Variants in DNM2 observed in about 807,000 individuals in gnomAD.
DNM2 encodes the protein dynamin-2.
A neutral mutation model predicts 99.0 loss-of-function variants in DNM2; 15 were observed. The ratio of observed to expected loss-of-function variants is 0.15; its 90% CI spans 0.10 to 0.23. The LOEUF is 0.23. Ranked by LOEUF, DNM2 falls within the 10% of genes least tolerant of loss-of-function variation. The pLI, the probability that DNM2 is intolerant of heterozygous loss-of-function variation, is 1.00. For synonymous variants in DNM2, 525 were observed against 481.2 expected, an observed-to-expected ratio of 1.09 and a Z score of -1.19; for missense variants, 742 against 1,189.4, an observed-to-expected ratio of 0.62 and a Z score of 5.53.
intron 17 of DNM2, 29 bp downstream of exon 17, chr19:10,823,928 C>A (rs1341845398): frequency 6.2e-7 from 1 of 1,606,768 alleles, no homozygotes; most frequent in African/African-American, 1.3e-5. Context: ...CAGCCAGGCC[C>A]AGAGCCCCCA....
Position 10,775,062 on chromosome 19 carries a change from C to T in DNM2, c.386-641C>T, listed in dbSNP as rs1024238611. The stretch of plus-strand genomic sequence containing the variant: ...CTGGGATGACAGGCATGAGTCACCG[C>T]GCCTGGCCTCATCCATTTGTCTTTT... On this transcript the variant is annotated intron_variant, in intron 3 of 20. Transcript: ENST00000389253. This position sits in a 1 kb window ranked among gnomAD's most constrained non-coding sequence, Gnocchi z 4.3. Among the ~76,000 whole-genome samples the T allele has an allele frequency of 4.0e-5, 6 of 151,842 alleles. No individual in the cohort carries two copies. The highest frequency in any genetic ancestry group is 2.6e-4 in the Admixed American group (4 of 15,220).
At position 10,831,449 on chromosome 19, in the gene DNM2, C is replaced by A; in HGVS notation, c.*402C>A. The A allele has an allele frequency of 9.9e-7, 1 of 1,006,494 alleles. No homozygotes were observed. The highest frequency in any genetic ancestry group is 1.2e-6 in the Non-Finnish European group (1 of 843,876). 62.3% of individuals were successfully genotyped at this position (1,006,494 alleles called of 1,614,324 possible). A position where few individuals can be genotyped will look rare whatever the true frequency, so the allele number is the denominator to read the frequency against. On this transcript the variant is annotated 3_prime_UTR_variant, in exon 21 of 21. Coordinates refer to ENST00000389253, the MANE Select transcript of DNM2 (RefSeq NM_001005361.3). This position sits in a 1 kb window ranked among gnomAD's most constrained non-coding sequence, Gnocchi z 4.3. Reference sequence around the variant, plus strand: ...ACCAAGGGCGCCTACATCCCCAGGCCTTGCTGGGGTGCAGGGGTATATCAA... The same window carrying A: ...ACCAAGGGCGCCTACATCCCCAGGCATTGCTGGGGTGCAGGGGTATATCAA...
chr19:10,738,698 T>C (rs1300798578), intron 1 of DNM2, among the ~76,000 whole-genome samples: 5 of 149,650 alleles, frequency 3.3e-5, no homozygotes, highest in African/African-American at 7.4e-5. Context: ...CCCATCTCTA[T>C]GAAAAATACA....
intron 13 of DNM2, among the ~76,000 whole-genome samples, chr19:10,807,610 G>A (rs375725624): frequency 2.8e-5 from 4 of 141,530 alleles, no homozygotes; most frequent in East Asian, 2.2e-4. Context: ...GTGCAGTGGC[G>A]CGGTCTCAGC....
At chr19:10,826,428 G>A (rs1224122442) in intron 18 of DNM2, among the ~76,000 whole-genome samples, 2 of 152,196 alleles carry the variant, frequency 1.3e-5, no homozygotes, top group Non-Finnish European at 2.9e-5. Context: ...CCTCATGGGC[G>A]TCACCCGCCT....
At position 10,831,411 on chromosome 19, in the gene DNM2, T is replaced by C. The variant is rs1313787865; in HGVS notation, c.*364T>C. 1 of 1,042,778 alleles carries C rather than the reference T, an allele frequency of 9.6e-7. No individual in the cohort carries two copies. The highest frequency in any genetic ancestry group is 1.2e-6 in the Non-Finnish European group (1 of 867,356). The allele number at this position is 1,042,778 out of a possible 1,614,324, so 64.6% of individuals were successfully genotyped here. ...GAAAGCCCATGTAGGGCAGGCCTTC[T>C]ATAAGTGCGGGCACCAAGGGCGCCT... On this transcript the variant is annotated 3_prime_UTR_variant, in exon 21 of 21. Coordinates refer to ENST00000389253, the MANE Select transcript of DNM2 (RefSeq NM_001005361.3). The surrounding 1 kb of genome is among the most constrained non-coding windows in gnomAD (Gnocchi z 4.3).
At chr19:10,748,363 C>T (rs1008319852) in intron 1 of DNM2, among the ~76,000 whole-genome samples, 6 of 152,098 alleles carry the variant, frequency 3.9e-5, no homozygotes, top group Non-Finnish European at 8.8e-5. Context: ...CTGGACAAGG[C>T]GGGTGGGTGA....
chr19:10,758,778 C>T (rs1568283212), intron 1 of DNM2, among the ~76,000 whole-genome samples: 1 of 151,966 alleles, frequency 6.6e-6, no homozygotes, highest in South Asian at 2.1e-4. Flanking sequence ...AACTCCTGAC[C>T]TCAAGTGATC....
chr19:10,746,726 T>TG (rs2069990881), intron 1 of DNM2, among the ~76,000 whole-genome samples: 2 of 81,564 alleles, frequency 2.5e-5, no homozygotes, highest in Non-Finnish European at 4.3e-5. Context: ...GCTTTTTTTT[T>TG]GTTTTTTGTT....
chr19:10,765,044 G>A lies in DNM2; in HGVS notation c.235+5233G>A, dbSNP rs781090225. Among the ~76,000 whole-genome samples, 1 of 149,108 alleles carries A rather than the reference G, an allele frequency of 6.7e-6. No homozygotes were observed. Among genetic ancestry groups the A allele is most frequent in the Non-Finnish European group, 1.5e-5 (1 of 67,658 alleles). ...GCCATCTCAGCTCACTGCAAGCTCC[G>A]CCTCCCGGGTTCACACCATGCTCCT... On this transcript the variant is annotated intron_variant, in intron 2 of 20. Transcript: ENST00000389253. The surrounding 1 kb of genome is among the most constrained non-coding windows in gnomAD (Gnocchi z 4.4).
chr19:10,827,438 A>T (rs2073177773), intron 18 of DNM2, among the ~76,000 whole-genome samples: 1 of 152,124 alleles, frequency 6.6e-6, no homozygotes, highest in Non-Finnish European at 1.5e-5. Flanking sequence ...TAAGAAAATA[A>T]TAAATCTGTC....
At position 10,783,217 on chromosome 19, in the gene DNM2, A is replaced by C. The variant is rs1021479037; in HGVS notation, c.849+97A>C. ...GGCACTTGTTTCAGGCTAGAGCAGC[A>C]CTTGTTTTAGCAAAATGGGTTCAGT... On this transcript the variant is annotated intron_variant, in intron 6 of 20. Transcript: ENST00000389253. 3.8e-5 allele frequency: 59 copies of C among 1,562,818 alleles called. No homozygotes were observed. In the South Asian group the frequency reaches 6.0e-4, roughly 16 times the overall value.
chr19:10,744,089 C>T (rs911030825), intron 1 of DNM2, among the ~76,000 whole-genome samples: 13 of 151,632 alleles, frequency 8.6e-5, no homozygotes, highest in African/African-American at 2.7e-4. Flanking sequence ...GCCCAGGAGG[C>T]GGAGGTTGCA....
At position 10,775,158 on chromosome 19, in the gene DNM2, T is replaced by G. The variant is rs1286410499; in HGVS notation, c.386-545T>G. ...GTGCAGTGGTATGATCTCAGCTCAC[T>G]GCAACCTCCACCTTCTGGGTTCAAG... On this transcript the variant is annotated intron_variant, in intron 3 of 20. Transcript: ENST00000389253. The surrounding 1 kb of genome is among the most constrained non-coding windows in gnomAD (Gnocchi z 4.3). Among the ~76,000 whole-genome samples, 1 of 152,086 alleles carries G rather than the reference T, an allele frequency of 6.6e-6. No homozygotes were observed. The highest frequency in any genetic ancestry group is 2.4e-5 in the African/African-American group (1 of 41,388).
intron 5 of DNM2, among the ~76,000 whole-genome samples, chr19:10,781,051 G>T (rs1173231821): frequency 6.7e-6 from 1 of 149,104 alleles, no homozygotes; most frequent in Non-Finnish European, 1.5e-5. Context: ...ATCCGTGTGT[G>T]ATGGTGCACG....
At chr19:10,724,209 A>T (rs1400136899) in intron 1 of DNM2, among the ~76,000 whole-genome samples, 9 of 152,006 alleles carry the variant, frequency 5.9e-5, no homozygotes, top group Admixed American at 5.9e-4. Flanking sequence ...ACGGAGTCTC[A>T]CTCTGTCTTC....
chr19:10,760,549 C>T (rs1159571274), intron 2 of DNM2, among the ~76,000 whole-genome samples: 1 of 152,130 alleles, frequency 6.6e-6, no homozygotes, highest in Non-Finnish European at 1.5e-5. Flanking sequence ...CAGCATGTCG[C>T]CAGTTGTCCC....
intron 1 of DNM2, among the ~76,000 whole-genome samples, chr19:10,731,818 G>A (rs1568267115): frequency 1.3e-5 from 2 of 152,288 alleles, no homozygotes; most frequent in African/African-American, 2.4e-5. Flanking sequence ...TCAGACGGAA[G>A]CCCGGCTTCT....
chr19:10,743,512 A>G (rs927551281), intron 1 of DNM2, among the ~76,000 whole-genome samples: 1 of 151,644 alleles, frequency 6.6e-6, no homozygotes, highest in Non-Finnish European at 1.5e-5. Flanking sequence ...CTAAAAATAC[A>G]AAAATTAGCC....
Sources: gnomAD v4.1 joint callset for allele counts (sites outside exome capture counted in the v4.1 genomes callset) on GRCh38, gnomAD v4.1.1 for gene constraint, Gnocchi (gnomAD v3.1) non-coding constraint, MANE v1.5 for transcripts, NCBI Gene and HGNC (gene_info 2026-07-23, HGNC 2026-07-21) for gene names.